FAM234A: variants seen among roughly 807,000 people sequenced by gnomAD.
The protein encoded by FAM234A is protein FAM234A.
In FAM234A, 42 loss-of-function variants were observed where a neutral mutation model predicts 49.1. That is an observed-to-expected ratio of 0.86 (90% CI 0.67 to 1.11). The LOEUF is 1.11. Ranked by LOEUF, FAM234A falls within the 50% of genes least tolerant of loss-of-function variation. FAM234A has a pLI of 0.00. For synonymous variants in FAM234A, 369 were observed against 316.2 expected, an observed-to-expected ratio of 1.17 and a Z score of -1.77; for missense variants, 815 against 745.2, an observed-to-expected ratio of 1.09 and a Z score of -1.09.
intron 1 of FAM234A, among the ~76,000 whole-genome samples, chr16:245,216 G>A (rs975277336): frequency 6.6e-6 from 1 of 152,006 alleles, no homozygotes; most frequent in Non-Finnish European, 1.5e-5. Context: ...GCGCGGTGAT[G>A]CACACCTGTG....
chr16:253,013 T>C (rs2051081260), intron 2 of FAM234A, among the ~76,000 whole-genome samples: 1 of 152,246 alleles, frequency 6.6e-6, no homozygotes, highest in African/African-American at 2.4e-5. Flanking sequence ...GGTTTGGTTG[T>C]TTAAAAGGAA....
chr16:268,812 G>A (rs1288838219), downstream of FAM234A: 3 of 1,550,374 alleles, frequency 1.9e-6, no homozygotes, highest in Non-Finnish European at 2.6e-6. Flanking sequence ...CTCTTGGACG[G>A]GGCAGAGCTC....
At chr16:263,638 CTT>C in intron 9 of FAM234A, 60 bp from the exon 10 acceptor site, 1 of 1,396,198 alleles carries the variant, frequency 7.2e-7, no homozygotes, top group Non-Finnish European at 1.0e-6. Flanking sequence ...TTCCTGGGTG[CTT>C]CCTTCATCTC....
intron 1 of FAM234A, among the ~76,000 whole-genome samples, chr16:245,571 T>C (rs1204608059): frequency 1.3e-5 from 2 of 152,188 alleles, no homozygotes; most frequent in African/African-American, 4.8e-5. Context: ...TTTGTGGAGC[T>C]AACAACAATC....
chr16:253,360 A>G lies in FAM234A; in HGVS notation c.-33-1021A>G, dbSNP rs190108085. Among the ~76,000 whole-genome samples the G allele has an allele frequency of 2.6e-3, 389 of 151,980 alleles. 2 individuals are homozygous for G. Among genetic ancestry groups the G allele is most frequent in the African/African-American group, 8.6e-3 (356 of 41,448 alleles). ...GCGGACTTCTGTTTGAATATATTTT[A>G]TTTTATTTTTTTCTAGTTAGTCTGT... On this transcript the variant is annotated intron_variant, in intron 2 of 12. Coordinates refer to ENST00000399932, the MANE Select transcript of FAM234A (RefSeq NM_032039.4).
In FAM234A at chr16:263,323, G is replaced by A; in HGVS notation, c.1033G>A (p.Val345Met). ...PGNAGADVLL[V>M]GSEAFVLLDG... The stretch of plus-strand genomic sequence containing the variant: ...GAACGCCGGTGCAGATGTGCTTCTT[G>A]TGGGCTCAGAGGCCTTCGTGCTGCT... The change falls in exon 9 of 13, where the codon GTG becomes ATG. Residue 345 changes from valine to methionine, a missense_variant. Physicochemically the swap from Val to Met is conservative, Grantham distance 21. Transcript: ENST00000399932. 1 of 1,613,240 alleles carries A rather than the reference G, an allele frequency of 6.2e-7. No individual in the cohort carries two copies. The highest frequency in any genetic ancestry group is 8.5e-7 in the Non-Finnish European group (1 of 1,180,006).
At chr16:237,869 A>G (rs375492661) in intron 1 of FAM234A, among the ~76,000 whole-genome samples, 1 of 151,000 alleles carries the variant, frequency 6.6e-6, no homozygotes, top group Non-Finnish European at 1.5e-5. Flanking sequence ...ACGCCCAGCT[A>G]TTTTTTTTAT....
intron 2 of FAM234A, 67 bp from the exon 3 acceptor site, chr16:254,314 C>G: frequency 7.4e-7 from 1 of 1,351,678 alleles, no homozygotes; most frequent in African/African-American, 1.5e-5. Context: ...GCCAGCAGAC[C>G]CCTCTGTGCT....
intron 1 of FAM234A, among the ~76,000 whole-genome samples, chr16:244,037 C>G (rs903376823): frequency 7.9e-5 from 12 of 151,368 alleles, no homozygotes; most frequent in African/African-American, 2.9e-4. Flanking sequence ...GGTGCCATCT[C>G]GGCTCACTGC....
intron 1 of FAM234A, among the ~76,000 whole-genome samples, chr16:244,472 G>T (rs2050734369): frequency 6.6e-6 from 1 of 152,138 alleles, no homozygotes; most frequent in African/African-American, 2.4e-5. Context: ...AGGTAGCTTT[G>T]AGGCACAAAC....
intron 8 of FAM234A, 36 bp from the exon 9 acceptor site, chr16:263,226 G>A: frequency 6.2e-7 from 1 of 1,602,502 alleles, no homozygotes; most frequent in Non-Finnish European, 8.5e-7. Flanking sequence ...GCCGCCCCGG[G>A]GACCCGGCGC....
chr16:264,586 TG>T, intron 11 of FAM234A, 27 bp from the exon 12 acceptor site: 1 of 1,465,730 alleles, frequency 6.8e-7, no homozygotes, highest in Non-Finnish European at 9.5e-7. Flanking sequence ...GTGAAGGGCG[TG>T]GGGCCCATTG....
At chr16:251,949 G>T (rs2051031052) in intron 2 of FAM234A, among the ~76,000 whole-genome samples, 1 of 143,572 alleles carries the variant, frequency 7.0e-6, no homozygotes, top group Non-Finnish European at 1.5e-5. Flanking sequence ...CTTACAGTGA[G>T]CCAAGATCAT....
intron 1 of FAM234A, among the ~76,000 whole-genome samples, chr16:236,604 G>C (rs1306445898): frequency 6.9e-6 from 1 of 144,382 alleles, no homozygotes; most frequent in East Asian, 2.1e-4. Flanking sequence ...GAGACATAGC[G>C]AGACTGTCTC....
rs1299397332 is a variant in FAM234A, at chr16:264,706, C to T, written c.1437C>T (p.Val479=). ...LELANVSTHI[V]AFDAVLFEPS... ...TGGCCAATGTCTCTACCCACATTGT[C>T]GCCTTTGACGGTGAGTGTGGCCTCG... The change falls in exon 12 of 13, where the codon GTC becomes GTT. Residue 479 remains valine (V), a synonymous_variant. Transcript: ENST00000399932. 1.9e-6 allele frequency: 3 copies of T among 1,611,316 alleles called. No individual in the cohort carries two copies. Among genetic ancestry groups the T allele is most frequent in the Non-Finnish European group, 2.5e-6 (3 of 1,179,730 alleles).
chr16:269,291 C>T (rs775263272), downstream of FAM234A: 10 of 1,579,610 alleles, frequency 6.3e-6, no homozygotes, highest in African/African-American at 8.0e-5. Context: ...ATCTCCACCC[C>T]CAGGGCCACA....
At chr16:268,676 A>C (rs926719813), downstream of FAM234A, 1 of 1,327,548 alleles carries the variant, frequency 7.5e-7, no homozygotes, top group African/African-American at 1.5e-5. Flanking sequence ...CCTGTGGACA[A>C]ATTCTGGAAC....
Position 264,996 on chromosome 16 carries a change from C to G in FAM234A, c.1633C>G (p.Arg545Gly). 1 of 1,610,270 alleles carries G rather than the reference C, an allele frequency of 6.2e-7. No homozygotes were observed. ...CCAAGCCATCAGGGACCGGTTCTCC[C>G]GGCTGCGGTACCAGAGTGAGGCGTA... ...SDQAIRDRFS[R>G]LRYQSEA Residue 545 changes from arginine to glycine, a missense_variant, in exon 13 of 13, where the codon CGG (arginine) becomes GGG (glycine). Transcript: ENST00000399932.
chr16:254,682 G>A lies in FAM234A; in HGVS notation c.268+1G>A. ...TGGAGGATAGACTACAGTGCCGCTG[G>A]TGAGCCTCGGCTTCCCCGCCCAGTG... On this transcript the variant is annotated splice_donor_variant, in intron 3 of 12. Transcript: ENST00000399932. LOFTEE classifies it high-confidence loss of function. 4 of 1,612,972 alleles carry A rather than the reference G, an allele frequency of 2.5e-6. No homozygotes were observed. Among genetic ancestry groups the A allele is most frequent in the Non-Finnish European group, 3.4e-6 (4 of 1,179,650 alleles).
Sources: allele counts gnomAD v4.1 joint callset (sites outside exome capture counted in the v4.1 genomes callset), GRCh38; gene constraint gnomAD v4.1.1; transcripts MANE v1.5; gene names NCBI Gene and HGNC (gene_info 2026-07-23, HGNC 2026-07-21).